Variants in MRTFB observed in about 807,000 individuals in gnomAD.
MRTFB encodes myocardin related transcription factor B, also known as myocardin-related transcription factor B.
MRTFB carries 29 observed loss-of-function variants against 104.2 expected under a neutral mutation model. The ratio of observed to expected loss-of-function variants is 0.28; its 90% CI spans 0.21 to 0.38. The LOEUF (loss-of-function observed/expected upper bound fraction) is 0.38, where lower values mean the gene tolerates loss of function less well. Ranked by LOEUF, MRTFB falls within the 10% of genes least tolerant of loss-of-function variation. The probability of loss-of-function intolerance (pLI) is 1.00; values close to 1 mark genes in which losing one functional copy is unlikely to be tolerated. For missense variants in MRTFB, 1,270 were observed against 1,341.6 expected (o/e 0.95, Z 0.83); for synonymous variants, 535 against 519.5 (o/e 1.03, Z -0.41).
intron 3 of MRTFB, among the ~76,000 whole-genome samples, chr16:14,165,538 C>G (rs1171993443): frequency 1.3e-5 from 2 of 152,178 alleles, no homozygotes; most frequent in African/African-American, 4.8e-5. Context: ...ACCCTGTGCT[C>G]CAGCCCTGCT....
At chr16:14,046,195 G>A in the MRTFB span, among the ~76,000 whole-genome samples, 1 of 152,130 alleles carries the variant, frequency 6.6e-6, no homozygotes, top group Non-Finnish European at 1.5e-5. Flanking sequence ...GTGTGGTGGT[G>A]CATGCTTATA....
rs867330450 is a variant in MRTFB, at chr16:14,264,388, A to C, written c.*2944A>C. On this transcript the variant is annotated 3_prime_UTR_variant, in exon 17 of 17. Coordinates refer to ENST00000571589, the MANE Select transcript of MRTFB (RefSeq NM_001308142.2). ...ACCAAAATTTCTGTAAAGTCTTTGA[A>C]AGTCTAGGAGTAGGTGGTCATCTTG... The C allele has an allele frequency of 2.3e-4, 35 of 152,290 alleles. No homozygotes were observed. Among genetic ancestry groups the C allele is most frequent in the African/African-American group, 6.7e-4 (28 of 41,570 alleles). 9.4% of individuals were successfully genotyped at this position (152,290 alleles called of 1,614,324 possible). A position where few individuals can be genotyped will look rare whatever the true frequency, so the allele number is the denominator to read the frequency against.
chr16:14,239,346 CAGTG>C (rs1248965078), intron 9 of MRTFB, among the ~76,000 whole-genome samples: 5 of 152,176 alleles, frequency 3.3e-5, no homozygotes, highest in Non-Finnish European at 7.3e-5. Flanking sequence ...CTGCAGAATG[CAGTG>C]AGTTTTGTTT....
At chr16:14,083,197 T>C (rs1331447815) in intron 2 of MRTFB, among the ~76,000 whole-genome samples, 1 of 152,258 alleles carries the variant, frequency 6.6e-6, no homozygotes. Context: ...TTTTCTATTT[T>C]GATTTTATAT....
At position 14,258,097 on chromosome 16, in the gene MRTFB, GT is replaced by G. The variant is rs1375364703; in HGVS notation, c.2704-3del. 2.5e-6 allele frequency: 4 copies of G among 1,613,290 alleles called. No homozygotes were observed. The highest frequency in any genetic ancestry group is 3.4e-6 in the Non-Finnish European group (4 of 1,179,346). On this transcript the variant is annotated splice_region_variant and splice_polypyrimidine_tract_variant and intron_variant, in intron 15 of 16. Coordinates refer to ENST00000571589, the MANE Select transcript of MRTFB (RefSeq NM_001308142.2). ...AACCTAATTTGTACTCTCCTTCATTGTAGATTTCCAACGCTCACAGTCAGCA... is the reference window on the plus strand; with the variant it reads ...AACCTAATTTGTACTCTCCTTCATTGAGATTTCCAACGCTCACAGTCAGCA...
intron 3 of MRTFB, among the ~76,000 whole-genome samples, chr16:14,180,424 G>A (rs573079129): frequency 2.0e-5 from 3 of 152,338 alleles, no homozygotes; most frequent in East Asian, 3.9e-4. Context: ...GTAGTCAGTT[G>A]TATTTATATA....
chr16:14,196,258 A>AT (rs2040426152), intron 3 of MRTFB, among the ~76,000 whole-genome samples: 1 of 152,232 alleles, frequency 6.6e-6, no homozygotes, highest in Non-Finnish European at 1.5e-5. Context: ...GTGTTGAAAC[A>AT]TTGTCTTCCT....
chr16:14,161,460 A>G (rs983021689), intron 3 of MRTFB, among the ~76,000 whole-genome samples: 2 of 152,190 alleles, frequency 1.3e-5, no homozygotes, highest in Non-Finnish European at 2.9e-5. Flanking sequence ...CTCATACACA[A>G]AAAATCCAAC....
intron 2 of MRTFB, among the ~76,000 whole-genome samples, chr16:14,122,531 G>A (rs148237454): frequency 2.5e-4 from 38 of 152,086 alleles, no homozygotes; most frequent in Admixed American, 9.2e-4. Flanking sequence ...GAGAACATGC[G>A]GTGTTTGGTT....
chr16:14,079,390 C>T (rs1488295118), intron 2 of MRTFB, 36 bp downstream of exon 2: 3 of 344,830 alleles, frequency 8.7e-6, no homozygotes, highest in African/African-American at 6.3e-5. Flanking sequence ...AACAAAGAAA[C>T]TGTAATTTCT....
Position 14,115,891 on chromosome 16 carries a change from C to G in MRTFB, c.-63-24653C>G, listed in dbSNP as rs781483263. ...CTCCCTTGAGTGCTTCCCCTCCCCTCCATGCTCTGGGCCACCATTAGGACA... is the reference window on the plus strand; with the variant it reads ...CTCCCTTGAGTGCTTCCCCTCCCCTGCATGCTCTGGGCCACCATTAGGACA... On this transcript the variant is annotated intron_variant, in intron 2 of 16. Coordinates refer to ENST00000571589, the MANE Select transcript of MRTFB (RefSeq NM_001308142.2). Among the ~76,000 whole-genome samples, 5 of 152,222 alleles carry G rather than the reference C, an allele frequency of 3.3e-5. No individual in the cohort carries two copies. The East Asian group carries it at 5.8e-4, about 18-fold the overall frequency.
intron 2 of MRTFB, among the ~76,000 whole-genome samples, chr16:14,126,998 G>A (rs1488797592): frequency 6.6e-6 from 1 of 152,116 alleles, no homozygotes; most frequent in Non-Finnish European, 1.5e-5. Context: ...CTGACATATA[G>A]TATCTCACTT....
At position 14,167,819 on chromosome 16, in the gene MRTFB, T is replaced by C. The variant is rs1433499163; in HGVS notation, c.154+27059T>C. ...CCACTCTCCTGCCTCAGCCTCCCAGTAGCTGGGACTACAAGCGCCCGCCGC... is the reference window on the plus strand; with the variant it reads ...CCACTCTCCTGCCTCAGCCTCCCAGCAGCTGGGACTACAAGCGCCCGCCGC... On this transcript the variant is annotated intron_variant, in intron 3 of 16. Transcript: ENST00000571589. Among the ~76,000 whole-genome samples the C allele has an allele frequency of 2.0e-5, 3 of 152,272 alleles. No homozygotes were observed. The East Asian group carries it at 5.8e-4, about 29-fold the overall frequency.
At chr16:14,243,016 CTGTGGTGT>C (rs1352195582) in intron 10 of MRTFB, among the ~76,000 whole-genome samples, 1 of 152,060 alleles carries the variant, frequency 6.6e-6, no homozygotes, top group Admixed American at 6.6e-5. Flanking sequence ...TGCTTTATCT[CTGTGGTGT>C]TGAAACTTCA....
intron 3 of MRTFB, chr16:14,143,611 G>A (rs1489178377): frequency 6.6e-6 from 1 of 151,060 alleles, no homozygotes; most frequent in Non-Finnish European, 1.5e-5. Flanking sequence ...GCTGCACCCA[G>A]TAACTCGTCA....
chr16:14,232,035 T>G (rs1238046636), intron 8 of MRTFB, among the ~76,000 whole-genome samples: 1 of 152,232 alleles, frequency 6.6e-6, no homozygotes. Flanking sequence ...TCTAGAAATT[T>G]AGGCAAGACA....
intron 8 of MRTFB, among the ~76,000 whole-genome samples, chr16:14,227,074 A>G (rs760116984): frequency 5.9e-5 from 9 of 152,152 alleles, no homozygotes; most frequent in Non-Finnish European, 1.0e-4. Flanking sequence ...AATATTTGCA[A>G]ATCATATATC....
the MRTFB span, among the ~76,000 whole-genome samples, chr16:14,023,940 A>T: frequency 2.0e-5 from 3 of 151,958 alleles, no homozygotes; most frequent in Admixed American, 6.6e-5. Flanking sequence ...AATCCCAGCT[A>T]CTTGGGAGGC....
chr16:14,145,535 A>G (rs932483961), intron 3 of MRTFB, among the ~76,000 whole-genome samples: 17 of 152,192 alleles, frequency 1.1e-4, no homozygotes, highest in African/African-American at 2.2e-4. Flanking sequence ...ATTGGAGCAC[A>G]TAGGAGAGAT....
Sources: gnomAD v4.1 joint callset for allele counts (sites outside exome capture counted in the v4.1 genomes callset) on GRCh38, gnomAD v4.1.1 for gene constraint, MANE v1.5 for transcripts, NCBI Gene and HGNC (gene_info 2026-07-23, HGNC 2026-07-21) for gene names.